The following DEPDC1 variants were observed in gnomAD, a reference collection of about 807,000 sequenced individuals.
DEPDC1 encodes the protein DEP domain containing 1.
DEPDC1 carries 66 observed loss-of-function variants against 86.8 expected under a neutral mutation model. The observed-to-expected ratio is 0.76, with a 90% CI of 0.62 to 0.93. The LOEUF (loss-of-function observed/expected upper bound fraction) is 0.93. DEPDC1 is among the 40% of genes least tolerant of loss of function. The pLI, the probability that DEPDC1 is intolerant of heterozygous loss-of-function variation, is 0.00. For missense variants in DEPDC1, 792 were observed against 935.7 expected, an observed-to-expected ratio of 0.85 and a Z score of 2.00; for synonymous variants, 255 against 314.9, an observed-to-expected ratio of 0.81 and a Z score of 2.02.
chr1:68,481,881 A>C (rs1557617641), intron 8 of DEPDC1, 165 bp downstream of exon 8: 13 of 730,956 alleles, frequency 1.8e-5, no homozygotes, highest in Non-Finnish European at 2.2e-5. Context: ...TCCTTAGGTA[A>C]ACAGAATAAA....
rs1476541421 is a variant in DEPDC1 at position 68,475,979 on chromosome 1, G to C, written c.*953C>G. Reference sequence around the variant, plus strand: ...CATATAGGCTGTTTTAAAATTCCTCGGGTGAGTCTAATGTGTACCAGTTTG... The same window carrying C: ...CATATAGGCTGTTTTAAAATTCCTCCGGTGAGTCTAATGTGTACCAGTTTG... On this transcript the variant is annotated 3_prime_UTR_variant, in exon 12 of 12. Coordinates refer to ENST00000456315, the MANE Select transcript of DEPDC1 (RefSeq NM_001114120.3). The C allele has an allele frequency of 6.6e-6, 1 of 151,738 alleles. No individual in the cohort carries two copies. The highest frequency in any genetic ancestry group is 1.9e-4 in the East Asian group (1 of 5,160). 9.4% of individuals were successfully genotyped at this position (151,738 alleles called of 1,614,324 possible). A position where few individuals can be genotyped will look rare whatever the true frequency, so the allele number is the denominator to read the frequency against.
rs1646175630 is a variant in DEPDC1 at position 68,484,008 on chromosome 1, T to A, written c.852A>T (p.Leu284=). 2 of 1,575,284 alleles carry A rather than the reference T, an allele frequency of 1.3e-6. No individual in the cohort carries two copies. The highest frequency in any genetic ancestry group is 2.7e-5 in the African/African-American group (2 of 73,076). Residue 284 remains leucine, a synonymous_variant, in exon 7 of 12, where the codon CTA becomes CTT. Coordinates refer to ENST00000456315, the MANE Select transcript of DEPDC1 (RefSeq NM_001114120.3). ...DVFRTIADYF[L]DLPEPLLTFE... ...AAGTAAGTAGAGGTTCAGGGAGATC[T>A]AGAAAATAATCTGCGATTGTTCTGA... is the stretch of plus-strand genomic sequence containing the variant.
intron 5 of DEPDC1, among the ~76,000 whole-genome samples, chr1:68,487,294 C>T (rs867104202): frequency 5.3e-5 from 8 of 151,914 alleles, no homozygotes; most frequent in Middle Eastern, 3.2e-3. Flanking sequence ...ATAAACTCCA[C>T]GTTCATTTTT....
At position 68,497,004 on chromosome 1, in the gene DEPDC1, C is replaced by G. The variant is rs1179301184; in HGVS notation, c.-5G>C. 1.2e-6 allele frequency: 2 copies of G among 1,611,956 alleles called. No homozygotes were observed. Among genetic ancestry groups the G allele is most frequent in the South Asian group, 2.2e-5 (2 of 91,014 alleles). On this transcript the variant is annotated 5_prime_UTR_variant, in exon 1 of 12. Transcript: ENST00000456315. ...AGGCACACCCTGACTCTCCATAGGT[C>G]TGTCAGCGCCCGGTGGCGTCCATGG...
rs937502244 is a variant in DEPDC1 at position 68,476,845 on chromosome 1, C to A, written c.*87G>T. 8 of 1,177,846 alleles carry A rather than the reference C, an allele frequency of 6.8e-6. No homozygotes were observed. The African/African-American group carries it at 1.3e-4, about 18-fold the overall frequency. 73.0% of individuals were successfully genotyped at this position (1,177,846 alleles called of 1,614,324 possible). On this transcript the variant is annotated 3_prime_UTR_variant, in exon 12 of 12. Coordinates refer to ENST00000456315, the MANE Select transcript of DEPDC1 (RefSeq NM_001114120.3). Reference sequence around the variant, plus strand: ...TTATTTAGAAATACCTTATTAATGACAGACTTCCTTTTGAGTAGCTACATT... The same window carrying A: ...TTATTTAGAAATACCTTATTAATGAAAGACTTCCTTTTGAGTAGCTACATT...
intron 1 of DEPDC1, among the ~76,000 whole-genome samples, chr1:68,495,694 C>A (rs886588469): frequency 6.6e-6 from 1 of 152,188 alleles, no homozygotes; most frequent in Admixed American, 6.5e-5. Context: ...TGGAGTTAGA[C>A]TAGTAGGGCT....
chr1:68,482,023 T>G (rs1646159376), intron 8 of DEPDC1, 23 bp downstream of exon 8: 7 of 1,541,790 alleles, frequency 4.5e-6, no homozygotes, highest in Non-Finnish European at 6.1e-6. Context: ...TAATATTGCA[T>G]GCATTGAAAG....
intron 9 of DEPDC1, among the ~76,000 whole-genome samples, chr1:68,480,335 T>C (rs992972915): frequency 8.6e-5 from 13 of 151,680 alleles, no homozygotes; most frequent in African/African-American, 2.9e-4. Flanking sequence ...ATTTCACACA[T>C]AGTAGATGAT....
chr1:68,478,065 T>C (rs1442390158), intron 10 of DEPDC1, 93 bp from the exon 11 acceptor site: 8 of 877,302 alleles, frequency 9.1e-6, no homozygotes, highest in Non-Finnish European at 1.3e-5. Flanking sequence ...CCTATTAATT[T>C]ACCACCAATC....
Position 68,496,038 on chromosome 1 carries a change from A to G in DEPDC1, c.48+914T>C, listed in dbSNP as rs537281540. Among the ~76,000 whole-genome samples the G allele has an allele frequency of 6.6e-6, 1 of 152,280 alleles. No homozygotes were observed. The highest frequency in any genetic ancestry group is 2.1e-4 in the South Asian group (1 of 4,824). On this transcript the variant is annotated intron_variant, in intron 1 of 11. Transcript: ENST00000456315. The surrounding 1 kb of genome is among the most constrained non-coding windows in gnomAD (Gnocchi z 4.0). ...GTAGCAGAATCCATGTAAGATCGCC[A>G]TACCAGGAAGATCTGAATTCTAGCT...
chr1:68,493,076 G>T lies in DEPDC1; in HGVS notation c.314+1354C>A, dbSNP rs1490446522. 2.0e-5 allele frequency among the ~76,000 whole-genome samples: 3 copies of T among 152,156 alleles called. No individual in the cohort carries two copies. In the East Asian group the frequency reaches 5.8e-4, roughly 29 times the overall value. On this transcript the variant is annotated intron_variant, in intron 2 of 11. Coordinates refer to ENST00000456315, the MANE Select transcript of DEPDC1 (RefSeq NM_001114120.3). ...TGGCATGAGATTGCCTAGGGAGAAG[G>T]TGAAGTAAGGACAAGGGCAGGAACT...
intron 8 of DEPDC1, 45 bp from the exon 9 acceptor site, chr1:68,481,657 T>C: frequency 6.7e-7 from 1 of 1,489,890 alleles, no homozygotes; most frequent in Non-Finnish European, 9.1e-7. Context: ...ATGACACTAG[T>C]TGCTTTCATA....
intron 7 of DEPDC1, 32 bp from the exon 8 acceptor site, chr1:68,482,929 A>G: frequency 6.5e-7 from 1 of 1,536,922 alleles, no homozygotes; most frequent in South Asian, 1.3e-5. Flanking sequence ...ATTAAGATGC[A>G]ACTGTATGAC....
chr1:68,496,812 C>T lies in DEPDC1; in HGVS notation c.48+140G>A, dbSNP rs540138344. The T allele has an allele frequency of 3.7e-6, 3 of 819,482 alleles. No individual in the cohort carries two copies. The highest frequency in any genetic ancestry group is 2.2e-5 in the Admixed American group (1 of 45,070). The allele number at this position is 819,482 out of a possible 1,614,324, so 50.8% of individuals were successfully genotyped here. ...GTTGCATACCCGCTACTTCTCCTCG[C>T]CAGCCTTTTCACTGAACCTAGGGAT... is the stretch of plus-strand genomic sequence containing the variant. On this transcript the variant is annotated intron_variant, in intron 1 of 11. Transcript: ENST00000456315. This position sits in a 1 kb window ranked among gnomAD's most constrained non-coding sequence, Gnocchi z 4.0.
chr1:68,489,612 GTTTAA>G lies in DEPDC1; in HGVS notation c.315-9_315-5del. The G allele has an allele frequency of 6.5e-7, 1 of 1,527,462 alleles. No homozygotes were observed. The highest frequency in any genetic ancestry group is 8.7e-7 in the Non-Finnish European group (1 of 1,148,790). The allele number at this position is 1,527,462 out of a possible 1,614,324, so 94.6% of individuals were successfully genotyped here. A position where few individuals can be genotyped will look rare whatever the true frequency, so the allele number is the denominator to read the frequency against. On this transcript the variant is annotated splice_polypyrimidine_tract_variant and splice_region_variant and intron_variant, in intron 2 of 11. Coordinates refer to ENST00000456315, the MANE Select transcript of DEPDC1 (RefSeq NM_001114120.3). ...AAGTGGCGAAGTTGCAGGAAATCTGGTTTAAAAACAATAAGCAATTAAATAATGTG... is the reference window on the plus strand; with the variant it reads ...AAGTGGCGAAGTTGCAGGAAATCTGGAAACAATAAGCAATTAAATAATGTG...
rs567291602 is a variant in DEPDC1, at chr1:68,482,568, A to G, written c.1240T>C (p.Ser414Pro). Residue 414 changes from serine (S) to proline (P), a missense_variant, in exon 8 of 12, where the codon TCT (serine) becomes CCT (proline). Ser to Pro is a moderately conservative substitution (Grantham distance 74, BLOSUM62 -1). Coordinates refer to ENST00000456315, the MANE Select transcript of DEPDC1 (RefSeq NM_001114120.3). ...IGLSNMHDLS[S>P]NSKPRCCSLE... The stretch of plus-strand genomic sequence containing the variant: ...GAACAGCACCTTGGTTTGCTGTTAG[A>G]GGATAGATCATGCATATTACTTAAC... 3.1e-6 allele frequency: 5 copies of G among 1,613,186 alleles called. No individual in the cohort carries two copies. The South Asian group carries it at 5.5e-5, about 18-fold the overall frequency.
Position 68,488,386 on chromosome 1 carries a change from G to T in DEPDC1, c.709C>A (p.Gln237Lys). Residue 237 changes from glutamine to lysine, a missense_variant, in exon 5 of 12, where the codon CAA becomes AAA. Physicochemically the swap from Gln to Lys is moderately conservative, Grantham distance 53. Coordinates refer to ENST00000456315, the MANE Select transcript of DEPDC1 (RefSeq NM_001114120.3). ...NTSKRGVVIL[Q>K]NKSDDLPHWV... ...TATTAATACCAACCTGATTTGTTTT[G>T]TAGTATAACTACTCCACGTTTACTT... 6.3e-7 allele frequency: 1 copy of T among 1,583,104 alleles called. No homozygotes were observed. Among genetic ancestry groups the T allele is most frequent in the Admixed American group, 1.9e-5 (1 of 52,978 alleles).
At chr1:68,495,759 C>T (rs1402141181) in intron 1 of DEPDC1, among the ~76,000 whole-genome samples, 1 of 152,144 alleles carries the variant, frequency 6.6e-6, no homozygotes, top group Non-Finnish European at 1.5e-5. Flanking sequence ...GGCCTATCTT[C>T]AATCTCTATG....
At chr1:68,490,495 T>G (rs1404827030) in intron 2 of DEPDC1, among the ~76,000 whole-genome samples, 2 of 152,220 alleles carry the variant, frequency 1.3e-5, no homozygotes, top group Non-Finnish European at 2.9e-5. Flanking sequence ...CTTCATCCAG[T>G]ATACCACTGA....
Sources: gnomAD v4.1 joint callset for allele counts (sites outside exome capture counted in the v4.1 genomes callset) on GRCh38, gnomAD v4.1.1 for gene constraint, Gnocchi (gnomAD v3.1) non-coding constraint, MANE v1.5 for transcripts, NCBI Gene and HGNC (gene_info 2026-07-23, HGNC 2026-07-21) for gene names.